MELTF: variants seen among roughly 807,000 people sequenced by gnomAD.
MELTF encodes melanotransferrin.
Under a neutral mutation model 83.7 loss-of-function variants are expected in MELTF, and 67 were observed. The observed-to-expected ratio is 0.80, with a 90% CI of 0.66 to 0.98. The LOEUF (loss-of-function observed/expected upper bound fraction) is 0.98, where lower values mean the gene tolerates loss of function less well. Ranked by LOEUF, MELTF falls within the 50% of genes least tolerant of loss-of-function variation. MELTF has a pLI of 0.00. For missense variants in MELTF, 1,002 were observed against 1,035.6 expected, an observed-to-expected ratio of 0.97 and a Z score of 0.44; for synonymous variants, 462 against 447.6, an observed-to-expected ratio of 1.03 and a Z score of -0.41.
chr3:197,009,612 G>C lies in MELTF; in HGVS notation c.1525+6C>G, dbSNP rs200464902. On this transcript the variant is annotated splice_donor_region_variant and intron_variant, in intron 11 of 15. Coordinates refer to ENST00000296350, the MANE Select transcript of MELTF (RefSeq NM_005929.6). ...CCAGTCTGCGTTCCTAAAAAGGGGG[G>C]GGTACCTGTGAGGACGTCACAGTCC... The C allele has an allele frequency of 4.8e-5, 76 of 1,597,706 alleles. No homozygotes were observed. Among genetic ancestry groups the C allele is most frequent in the Non-Finnish European group, 5.4e-5 (63 of 1,166,656 alleles).
At chr3:197,026,275 G>C (rs1719849649) in intron 3 of MELTF, 1 of 204,102 alleles carries the variant, frequency 4.9e-6, no homozygotes, top group South Asian at 1.0e-4. Context: ...TCCCTACCCG[G>C]AGCCGGGCTT....
At chr3:197,017,001 A>C in intron 7 of MELTF, 102 bp downstream of exon 7, 1 of 1,282,030 alleles carries the variant, frequency 7.8e-7, no homozygotes, top group Non-Finnish European at 1.1e-6. Context: ...TCCCAAGGAC[A>C]GTCTCTGGGT....
At position 197,029,767 on chromosome 3, in the gene MELTF, G is replaced by GCAGGGAGGAAGC; in HGVS notation, c.-66_-65insGCTTCCTCCCTG. 1 of 1,106,530 alleles carries GCAGGGAGGAAGC rather than the reference G, an allele frequency of 9.0e-7. No homozygotes were observed. The highest frequency in any genetic ancestry group is 1.1e-6 in the Non-Finnish European group (1 of 874,146). The allele number at this position is 1,106,530 out of a possible 1,614,324, so 68.5% of individuals were successfully genotyped here. On this transcript the variant is annotated 5_prime_UTR_variant, in exon 1 of 16. Transcript: ENST00000296350. This position sits in a 1 kb window ranked among gnomAD's most constrained non-coding sequence, Gnocchi z 6.5. ...TCCGGGTCCGAGGAGGTCCGCAGCAGCCGGGCTTCCTCCCTGCTCCCCCTC... is the reference window on the plus strand; with the variant it reads ...TCCGGGTCCGAGGAGGTCCGCAGCAGCAGGGAGGAAGCCCGGGCTTCCTCCCTGCTCCCCCTC...
chr3:197,010,713 C>G lies in MELTF; in HGVS notation c.1315G>C (p.Gly439Arg). ...CTGCACTCACGGGCATAGTGCTCCC[C>G]GGCTGCGGGAACCAGGCCGTACGTC... ...GKTYGLVPAA[G>R]EHYAPEDSSN... Residue 439 changes from glycine to arginine, a missense_variant, in exon 10 of 16, where the codon GGG becomes CGG. Transcript: ENST00000296350. 1 of 1,613,174 alleles carries G rather than the reference C, an allele frequency of 6.2e-7. No homozygotes were observed. Among genetic ancestry groups the G allele is most frequent in the African/African-American group, 1.3e-5 (1 of 75,066 alleles).
In MELTF at chr3:197,021,428, T is replaced by G. The variant is rs1427424493; in HGVS notation, c.688A>C (p.Ser230Arg). The G allele has an allele frequency of 6.2e-7, 1 of 1,614,044 alleles. No individual in the cohort carries two copies. Among genetic ancestry groups the G allele is most frequent in the African/African-American group, 1.3e-5 (1 of 74,950 alleles). Reference protein sequence around the residue: ...GAGDVAFVKHSTVLENTDGKT... With the variant: ...GAGDVAFVKHRTVLENTDGKT... The stretch of plus-strand genomic sequence containing the variant: ...CCATCCGTGTTCTCCAGTACCGTGC[T>G]GTGCTTCACAAAAGCCACGTCCCCT... The change falls in exon 6 of 16, where the codon AGC becomes CGC. Residue 230 changes from serine (S) to arginine (R), a missense_variant. Coordinates refer to ENST00000296350, the MANE Select transcript of MELTF (RefSeq NM_005929.6).
intron 2 of MELTF, 38 bp from the exon 3 acceptor site, chr3:197,026,797 T>G (rs780408718): frequency 1.0e-5 from 16 of 1,590,784 alleles, no homozygotes; most frequent in Non-Finnish European, 1.4e-5. Context: ...CTGGCCCAGC[T>G]GGCCTGCTCA....
chr3:197,017,378 T>G (rs1577937288), intron 6 of MELTF, 88 bp from the exon 7 acceptor site: 1 of 1,248,664 alleles, frequency 8.0e-7, no homozygotes, highest in Admixed American at 2.9e-5. Context: ...ATCTGAGGGG[T>G]GGCTGGGTGT....
Position 197,003,627 on chromosome 3 carries a change from C to G in MELTF, c.2138-176G>C. 1.5e-6 allele frequency: 1 copy of G among 648,732 alleles called. No homozygotes were observed. Among genetic ancestry groups the G allele is most frequent in the South Asian group, 2.3e-5 (1 of 43,828 alleles). 40.2% of individuals were successfully genotyped at this position (648,732 alleles called of 1,614,324 possible). On this transcript the variant is annotated intron_variant, in intron 15 of 15. Coordinates refer to ENST00000296350, the MANE Select transcript of MELTF (RefSeq NM_005929.6). The surrounding 1 kb of genome is among the most constrained non-coding windows in gnomAD (Gnocchi z 6.2). ...ATGCGCTCTTTCCAGAAAGGCAGCA[C>G]ACGCATGTCTCTGCCGTGGCCCCAG...
rs1719683391 is a variant in MELTF, at chr3:197,022,960, A to AAGGCCCC, written c.634_640dup (p.Phe214TrpfsTer50). The AAGGCCCC allele has an allele frequency of 6.2e-7, 1 of 1,605,430 alleles. No homozygotes were observed. Among genetic ancestry groups the AAGGCCCC allele is most frequent in the East Asian group, 2.2e-5 (1 of 44,506 alleles). ...TCCCTGCCCCCACTCCGCTCACCGG[A>AAGGCCCC]AGGCCCCGCTGTAGTCGTAGTATCT... On this transcript the variant is annotated frameshift_variant, in exon 5 of 16. Coordinates refer to ENST00000296350, the MANE Select transcript of MELTF (RefSeq NM_005929.6). LOFTEE classifies it high-confidence loss of function. This position sits in a 1 kb window ranked among gnomAD's most constrained non-coding sequence, Gnocchi z 5.1.
In MELTF at chr3:197,027,939, TCCCCCG is replaced by T. The variant is rs766905936; in HGVS notation, c.50-35_50-30del. The T allele has an allele frequency of 2.1e-4, 317 of 1,526,832 alleles. 2 individuals are homozygous for T. The African/African-American group carries it at 3.8e-3, about 18-fold the overall frequency. The allele number at this position is 1,526,832 out of a possible 1,614,324, so 94.6% of individuals were successfully genotyped here. A position where few individuals can be genotyped will look rare whatever the true frequency, so the allele number is the denominator to read the frequency against. ...CGGGCAGGGGACCGTGAGGCCCGGC[TCCCCCG>T]CCCTGCCCAGCCCCGGCCCACCATG... is the stretch of plus-strand genomic sequence containing the variant. On this transcript the variant is annotated intron_variant, in intron 1 of 15. Coordinates refer to ENST00000296350, the MANE Select transcript of MELTF (RefSeq NM_005929.6).
In MELTF at chr3:197,023,978, G is replaced by A. The variant is rs1480519844; in HGVS notation, c.487+325C>T. On this transcript the variant is annotated intron_variant, in intron 4 of 15. Coordinates refer to ENST00000296350, the MANE Select transcript of MELTF (RefSeq NM_005929.6). ...TTTCTAGACACAGTGACCTGCGCCC[G>A]GTCTATACTGGTGGGAAGCACTCCT... 24 of 571,248 alleles carry A rather than the reference G, an allele frequency of 4.2e-5. No individual in the cohort carries two copies. In the East Asian group the frequency reaches 5.2e-4, roughly 12 times the overall value. 35.4% of individuals were successfully genotyped at this position (571,248 alleles called of 1,614,324 possible).
chr3:197,024,880 A>G lies in MELTF; in HGVS notation c.305-395T>C, dbSNP rs1353672415. Among the ~76,000 whole-genome samples, 1 of 152,040 alleles carries G rather than the reference A, an allele frequency of 6.6e-6. No individual in the cohort carries two copies. Among genetic ancestry groups the G allele is most frequent in the Non-Finnish European group, 1.5e-5 (1 of 67,984 alleles). On this transcript the variant is annotated intron_variant, in intron 3 of 15. Coordinates refer to ENST00000296350, the MANE Select transcript of MELTF (RefSeq NM_005929.6). The surrounding 1 kb of genome is among the most constrained non-coding windows in gnomAD (Gnocchi z 5.3). Reference sequence around the variant, plus strand: ...AGGAGAACTTGGAGGGTTTGGGGGAATGGTGTCAGGGTCATGGGAAGAAGG... The same window carrying G: ...AGGAGAACTTGGAGGGTTTGGGGGAGTGGTGTCAGGGTCATGGGAAGAAGG...
intron 7 of MELTF, 130 bp downstream of exon 7, chr3:197,016,968 ACCTGG>A: frequency 9.9e-7 from 1 of 1,010,382 alleles, no homozygotes; most frequent in Non-Finnish European, 1.4e-6. Context: ...CCTCACTCTG[ACCTGG>A]CCCGATGCTG....
Position 197,026,657 on chromosome 3 carries a change from T to TA in MELTF, c.304+2dup. On this transcript the variant is annotated splice_region_variant and intron_variant, in intron 3 of 15. Coordinates refer to ENST00000296350, the MANE Select transcript of MELTF (RefSeq NM_005929.6). ...CCTCTCTCCTCCCACTGCACCCTCT[T>TA]ACCTTGATCGTACACTTCGCCCACC... 6.2e-7 allele frequency: 1 copy of TA among 1,612,522 alleles called. No homozygotes were observed. The highest frequency in any genetic ancestry group is 1.1e-5 in the South Asian group (1 of 91,082).
Position 197,008,618 on chromosome 3 carries a change from C to T in MELTF, c.1750+39G>A, listed in dbSNP as rs747713579. On this transcript the variant is annotated intron_variant, in intron 13 of 15. Transcript: ENST00000296350. This position sits in a 1 kb window ranked among gnomAD's most constrained non-coding sequence, Gnocchi z 5.4. ...TGGTGCTGAAGATGGGGAACAGTCC[C>T]CCCGACCTACCTTTGGCCCTGCTCT... 7 of 1,594,358 alleles carry T rather than the reference C, an allele frequency of 4.4e-6. No individual in the cohort carries two copies. Among genetic ancestry groups the T allele is most frequent in the African/African-American group, 1.3e-5 (1 of 74,712 alleles).
intron 6 of MELTF, chr3:197,019,353 G>C (rs1330752104): frequency 1.7e-6 from 2 of 1,178,580 alleles, no homozygotes; most frequent in Non-Finnish European, 2.1e-6. Flanking sequence ...CCCTGCTTTA[G>C]ACATTTATGC....
rs1553845844 is a variant in MELTF, at chr3:197,003,519, T to TGGGGGG, written c.2138-69_2138-68insCCCCCC. Reference sequence around the variant, plus strand: ...CGGTGGCCGCCTCAGGCGCCCGCTCTGGGGTGGGGGTGGGGGCATCTTTCG... The same window carrying TGGGGGG: ...CGGTGGCCGCCTCAGGCGCCCGCTCTGGGGGGGGGGTGGGGGTGGGGGCATCTTTCG... On this transcript the variant is annotated intron_variant, in intron 15 of 15. Coordinates refer to ENST00000296350, the MANE Select transcript of MELTF (RefSeq NM_005929.6). This position sits in a 1 kb window ranked among gnomAD's most constrained non-coding sequence, Gnocchi z 6.2. The TGGGGGG allele has an allele frequency of 3.4e-4, 56 of 163,074 alleles. No individual in the cohort carries two copies. The highest frequency in any genetic ancestry group is 6.5e-4 in the South Asian group (3 of 4,620). The allele number at this position is 163,074 out of a possible 1,614,324, so 10.1% of individuals were successfully genotyped here.
chr3:197,028,179 A>G (rs1719942394), intron 1 of MELTF: 1 of 442,494 alleles, frequency 2.3e-6, no homozygotes, highest in African/African-American at 1.9e-5. Context: ...GGGAGGGTCT[A>G]CAGGTCGCTT....
chr3:197,011,396 G>A lies in MELTF; in HGVS notation c.1234-602C>T, dbSNP rs548976688. 4.4e-4 allele frequency among the ~76,000 whole-genome samples: 67 copies of A among 152,264 alleles called. No homozygotes were observed. The highest frequency in any genetic ancestry group is 3.4e-3 in the Middle Eastern group (1 of 294). On this transcript the variant is annotated intron_variant, in intron 9 of 15. Transcript: ENST00000296350. This position sits in a 1 kb window ranked among gnomAD's most constrained non-coding sequence, Gnocchi z 4.2. Reference sequence around the variant, plus strand: ...CTGCACCCACCCCGCTTGTCCATTCGGAAGCCTATTGACAGGTGGTCCCAG... The same window carrying A: ...CTGCACCCACCCCGCTTGTCCATTCAGAAGCCTATTGACAGGTGGTCCCAG...
Sources: allele counts gnomAD v4.1 joint callset (sites outside exome capture counted in the v4.1 genomes callset), GRCh38; gene constraint gnomAD v4.1.1; non-coding constraint Gnocchi (gnomAD v3.1); transcripts MANE v1.5; gene names NCBI Gene and HGNC (gene_info 2026-07-23, HGNC 2026-07-21).